CD53: variants seen among roughly 807,000 people sequenced by gnomAD.
CD53 encodes the protein CD53 molecule.
Under a neutral mutation model 27.3 loss-of-function variants are expected in CD53, and 20 were observed. The ratio of observed to expected loss-of-function variants is 0.73; its 90% CI spans 0.52 to 1.07. The LOEUF (loss-of-function observed/expected upper bound fraction) is 1.07, where lower values mean the gene tolerates loss of function less well. Ranked by LOEUF, CD53 falls within the 50% of genes least tolerant of loss-of-function variation. CD53 has a pLI of 0.00. For synonymous variants in CD53, 106 were observed against 105.3 expected, an observed-to-expected ratio of 1.01 and a Z score of -0.04; for missense variants, 216 against 264.0, an observed-to-expected ratio of 0.82 and a Z score of 1.26.
intron 3 of CD53, 177 bp downstream of exon 3, chr1:110,892,710 C>T: frequency 1.7e-6 from 1 of 601,480 alleles, no homozygotes; most frequent in East Asian, 2.8e-5. Context: ...GACTAGGGTC[C>T]CACGGACAGG....
chr1:110,876,105 A>C (rs1656122156), intron 1 of CD53, among the ~76,000 whole-genome samples: 1 of 152,254 alleles, frequency 6.6e-6, no homozygotes, highest in Admixed American at 6.5e-5. Context: ...ACTTCAAGCG[A>C]AGTTAGAGAT....
intron 1 of CD53, among the ~76,000 whole-genome samples, chr1:110,879,077 G>A (rs1158794446): frequency 4.0e-5 from 6 of 151,622 alleles, no homozygotes; most frequent in Non-Finnish European, 5.9e-5. Context: ...TTTTTAAAAC[G>A]TATGAAACAA....
intron 5 of CD53, among the ~76,000 whole-genome samples, chr1:110,895,506 G>A (rs978955211): frequency 2.6e-5 from 4 of 152,082 alleles, no homozygotes; most frequent in African/African-American, 9.7e-5. Context: ...TACAAGCTCT[G>A]CATTCCTGAC....
At chr1:110,881,614 G>A (rs1656356554) in intron 1 of CD53, among the ~76,000 whole-genome samples, 1 of 152,126 alleles carries the variant, frequency 6.6e-6, no homozygotes, top group South Asian at 2.1e-4. Context: ...TTTCTCTTGG[G>A]TAAATACCTA....
chr1:110,894,942 TG>T lies in CD53; in HGVS notation c.328-16del. On this transcript the variant is annotated splice_polypyrimidine_tract_variant and intron_variant, in intron 4 of 7. Coordinates refer to ENST00000271324, the MANE Select transcript of CD53 (RefSeq NM_000560.4). ...CTGCTTTTTACCATGTCTCCTCTGC[TG>T]GAATGTGCCTGCCCAGCTGAATGAG... 1 of 1,601,584 alleles carries T rather than the reference TG, an allele frequency of 6.2e-7. No individual in the cohort carries two copies. The highest frequency in any genetic ancestry group is 8.6e-7 in the Non-Finnish European group (1 of 1,168,708).
intron 6 of CD53, 121 bp downstream of exon 6, chr1:110,896,854 G>T: frequency 1.2e-6 from 1 of 806,044 alleles, no homozygotes. Context: ...TTGAATAAAA[G>T]AGAGGCCAGG....
intron 1 of CD53, among the ~76,000 whole-genome samples, chr1:110,887,967 G>A (rs928797272): frequency 6.6e-6 from 1 of 152,184 alleles, no homozygotes; most frequent in Non-Finnish European, 1.5e-5. Flanking sequence ...TTAGCCAGGT[G>A]GTTCTTATCT....
chr1:110,883,246 G>T (rs1656427739), intron 1 of CD53, among the ~76,000 whole-genome samples: 2 of 151,828 alleles, frequency 1.3e-5, no homozygotes, highest in Non-Finnish European at 3.0e-5. Flanking sequence ...TTCCTAGTTT[G>T]CTAAGAGTTT....
At chr1:110,872,064 C>T (rs184032595), upstream of CD53, among the ~76,000 whole-genome samples, 4 of 152,152 alleles carry the variant, frequency 2.6e-5, no homozygotes, top group Admixed American at 2.0e-4. Flanking sequence ...GAGGCATGCC[C>T]GCAAGTCAGC....
At chr1:110,881,677 C>T (rs182887249) in intron 1 of CD53, among the ~76,000 whole-genome samples, 24 of 152,258 alleles carry the variant, frequency 1.6e-4, no homozygotes, top group Admixed American at 1.0e-3. Context: ...TTGTACAAAA[C>T]GAGCAAACTG....
upstream of CD53, among the ~76,000 whole-genome samples, chr1:110,872,107 G>A (rs987395003): frequency 6.6e-6 from 1 of 152,160 alleles, no homozygotes; most frequent in African/African-American, 2.4e-5. Flanking sequence ...TCATTTATAA[G>A]ATGAAAACAT....
At chr1:110,879,094 G>A (rs1445734788) in intron 1 of CD53, among the ~76,000 whole-genome samples, 2 of 152,008 alleles carry the variant, frequency 1.3e-5, no homozygotes, top group Non-Finnish European at 1.5e-5. Context: ...ACAAGCAAGG[G>A]ATTATTCTTG....
intron 3 of CD53, 172 bp downstream of exon 3, chr1:110,892,705 G>A (rs1656906206): frequency 4.9e-6 from 3 of 614,902 alleles, no homozygotes; most frequent in African/African-American, 1.8e-5. Flanking sequence ...TGTATGACTA[G>A]GGTCCCACGG....
Position 110,895,127 on chromosome 1 carries a change from TC to T in CD53, c.423+74del, listed in dbSNP as rs1315501624. The T allele has an allele frequency of 1.9e-5, 22 of 1,129,240 alleles. 1 individual carries two copies. Among genetic ancestry groups the T allele is most frequent in the Non-Finnish European group, 3.0e-5 (22 of 741,004 alleles). The allele number at this position is 1,129,240 out of a possible 1,614,324, so 70.0% of individuals were successfully genotyped here. ...CAAGCCTAAATCCTTGGGGGCTAGTTCCTTTTTCTGGAAGTTTCAGAATCTA... is the reference window on the plus strand; with the variant it reads ...CAAGCCTAAATCCTTGGGGGCTAGTTCTTTTTCTGGAAGTTTCAGAATCTA... On this transcript the variant is annotated intron_variant, in intron 5 of 7. Coordinates refer to ENST00000271324, the MANE Select transcript of CD53 (RefSeq NM_000560.4).
chr1:110,896,706 A>C lies in CD53; in HGVS notation c.477A>C (p.Ala159=). The part of the protein sequence containing the change: ...GTSDWTSGPP[A]SCPSDRKVEG... ...GTGATTGGACCAGTGGCCCACCAGC[A>C]TCTTGCCCCTCAGATCGAAAAGTGG... The change falls in exon 6 of 8, where the codon GCA becomes GCC. Residue 159 remains alanine (A), a synonymous_variant. Transcript: ENST00000271324. 1 of 1,613,610 alleles carries C rather than the reference A, an allele frequency of 6.2e-7. No individual in the cohort carries two copies.
At chr1:110,876,252 A>T (rs1223644633) in intron 1 of CD53, among the ~76,000 whole-genome samples, 2 of 152,182 alleles carry the variant, frequency 1.3e-5, no homozygotes, top group Non-Finnish European at 2.9e-5. Flanking sequence ...GTTATTCAGA[A>T]TGTCTTCTGA....
At chr1:110,879,762 C>A (rs1570896985) in intron 1 of CD53, among the ~76,000 whole-genome samples, 1 of 151,814 alleles carries the variant, frequency 6.6e-6, no homozygotes, top group Admixed American at 6.6e-5. Flanking sequence ...GAGACAGGGT[C>A]TCTCTATGTT....
chr1:110,891,116 A>C (rs1656835411), intron 1 of CD53, among the ~76,000 whole-genome samples: 1 of 152,270 alleles, frequency 6.6e-6, no homozygotes, highest in Non-Finnish European at 1.5e-5. Context: ...ACTGTGACTC[A>C]TCCTCTTCTA....
upstream of CD53, among the ~76,000 whole-genome samples, chr1:110,871,814 TAC>T (rs3068856): frequency 7.7e-4 from 112 of 145,766 alleles, no homozygotes; most frequent in Non-Finnish European, 5.6e-4. Context: ...CAAGAGAAAC[TAC>T]ACACACACAC....
Sources: allele counts gnomAD v4.1 joint callset (sites outside exome capture counted in the v4.1 genomes callset), GRCh38; gene constraint gnomAD v4.1.1; transcripts MANE v1.5; gene names NCBI Gene and HGNC (gene_info 2026-07-23, HGNC 2026-07-21).